ST7: variants seen among roughly 807,000 people sequenced by gnomAD.
ST7 encodes suppressor of tumorigenicity 7 protein.
In ST7, 28 loss-of-function variants were observed where a neutral mutation model predicts 78.7. That is an observed-to-expected ratio of 0.36 (90% CI 0.26 to 0.49). The LOEUF (loss-of-function observed/expected upper bound fraction) is 0.49. ST7 is among the 20% of genes least tolerant of loss of function. ST7 has a pLI of 0.99. For synonymous variants in ST7, 247 were observed against 249.6 expected (o/e 0.99, Z 0.10); for missense variants, 418 against 696.0 (o/e 0.60, Z 4.49).
chr7:117,184,219 C>T (rs913890013), intron 10 of ST7: 1 of 152,192 alleles, frequency 6.6e-6, no homozygotes, highest in Non-Finnish European at 1.5e-5. Flanking sequence ...ATTTACTTAG[C>T]GTTCCTTGTT....
intron 1 of ST7, chr7:116,958,546 T>C (rs1245103010): frequency 1.1e-5 from 5 of 466,282 alleles, no homozygotes; most frequent in Non-Finnish European, 2.2e-5. Flanking sequence ...GCCTGTTGTC[T>C]AAAATGTTCT....
At chr7:117,109,912 C>T (rs1802287751) in intron 2 of ST7, among the ~76,000 whole-genome samples, 1 of 152,130 alleles carries the variant, frequency 6.6e-6, no homozygotes, top group Non-Finnish European at 1.5e-5. Context: ...AAATGTGATA[C>T]ACCATATAAA....
intron 1 of ST7, among the ~76,000 whole-genome samples, chr7:117,035,338 A>G (rs938450982): frequency 3.7e-4 from 56 of 152,256 alleles, no homozygotes; most frequent in African/African-American, 1.3e-3. Flanking sequence ...GGGATGCAGA[A>G]TATGGCTCGC....
chr7:117,230,099 A>G lies in ST7; in HGVS notation c.*242A>G, dbSNP rs1466612753. The G allele has an allele frequency of 1.2e-5, 8 of 673,376 alleles. No homozygotes were observed. The highest frequency in any genetic ancestry group is 7.1e-5 in the African/African-American group (4 of 56,032). 41.7% of individuals were successfully genotyped at this position (673,376 alleles called of 1,614,324 possible). On this transcript the variant is annotated 3_prime_UTR_variant, in exon 16 of 16. Coordinates refer to ENST00000323984, the MANE Select transcript of ST7 (RefSeq NM_001369598.1). ...CAAAAATAAAACTTTTGTGTATTAC[A>G]GCAATCATTTGTATCCTCCTGTGTC...
chr7:117,063,953 C>A (rs1203450585), intron 1 of ST7, among the ~76,000 whole-genome samples: 1 of 152,068 alleles, frequency 6.6e-6, no homozygotes, highest in African/African-American at 2.4e-5. Flanking sequence ...TGATTTGAAG[C>A]ACAATAATTT....
chr7:117,163,258 C>T (rs140197955), intron 9 of ST7, among the ~76,000 whole-genome samples: 61 of 152,148 alleles, frequency 4.0e-4, no homozygotes, highest in South Asian at 1.2e-3. Flanking sequence ...GATGTCTCTT[C>T]GATATACTAA....
intron 3 of ST7, among the ~76,000 whole-genome samples, chr7:117,126,393 C>T (rs576993120): frequency 3.3e-5 from 5 of 151,744 alleles, no homozygotes; most frequent in African/African-American, 1.2e-4. Context: ...GAGTTCTCTT[C>T]TCTTGAGTAT....
At chr7:117,086,656 G>A (rs1273058690) in intron 1 of ST7, among the ~76,000 whole-genome samples, 1 of 152,106 alleles carries the variant, frequency 6.6e-6, no homozygotes. Context: ...GAATTTAGAT[G>A]CATCTTTTAA....
chr7:117,050,659 G>C (rs551298179), intron 1 of ST7, among the ~76,000 whole-genome samples: 1 of 152,034 alleles, frequency 6.6e-6, no homozygotes, highest in Admixed American at 6.5e-5. Context: ...GGCCTGGTGC[G>C]GTGGCTCACG....
chr7:117,165,653 G>A lies in ST7; in HGVS notation c.964-5209G>A, dbSNP rs140882244. Among the ~76,000 whole-genome samples, 1,402 of 152,258 alleles carry A rather than the reference G, an allele frequency of 9.2e-3. 11 individuals are homozygous for A. Among genetic ancestry groups the A allele is most frequent in the Non-Finnish European group, 0.015 (1,029 of 68,020 alleles). ...AATAAGGCAAAGTTCCTGCTCTCAC[G>A]TTCTTCTCAGACTCATGGAGAAGAT... On this transcript the variant is annotated intron_variant, in intron 9 of 15. Coordinates refer to ENST00000323984, the MANE Select transcript of ST7 (RefSeq NM_001369598.1).
At chr7:117,212,684 A>G (rs984219384) in intron 13 of ST7, among the ~76,000 whole-genome samples, 1 of 152,206 alleles carries the variant, frequency 6.6e-6, no homozygotes, top group African/African-American at 2.4e-5. Context: ...TCAATTGTGG[A>G]TTTTAAGTAA....
At chr7:117,159,774 TC>T (rs1197183359) in intron 9 of ST7, among the ~76,000 whole-genome samples, 2 of 152,154 alleles carry the variant, frequency 1.3e-5, no homozygotes, top group Admixed American at 6.5e-5. Context: ...ACACCTGTAG[TC>T]CCAGCTACTT....
chr7:117,139,430 G>A (rs2117076456), intron 9 of ST7, among the ~76,000 whole-genome samples: 1 of 152,328 alleles, frequency 6.6e-6, no homozygotes, highest in African/African-American at 2.4e-5. Context: ...ATGGATTTGA[G>A]CACACTAGGA....
At chr7:116,976,392 C>T (rs1421919989) in intron 1 of ST7, among the ~76,000 whole-genome samples, 2 of 152,168 alleles carry the variant, frequency 1.3e-5, no homozygotes, top group East Asian at 1.9e-4. Context: ...ATTAGCTGGG[C>T]AGGATTCTGG....
intron 1 of ST7, among the ~76,000 whole-genome samples, chr7:116,997,270 C>T (rs1563001222): frequency 2.0e-5 from 3 of 152,130 alleles, no homozygotes; most frequent in South Asian, 2.1e-4. Flanking sequence ...GAAGGGGACC[C>T]GAGTGGGTTG....
At chr7:117,218,919 C>A in intron 13 of ST7, 165 bp from the exon 14 acceptor site, 1 of 590,372 alleles carries the variant, frequency 1.7e-6, no homozygotes, top group Non-Finnish European at 3.0e-6. Context: ...TAATCCATCA[C>A]AATTTATCTC....
At chr7:117,119,305 GAGC>G (rs1160130446) in intron 2 of ST7, among the ~76,000 whole-genome samples, 2 of 152,084 alleles carry the variant, frequency 1.3e-5, no homozygotes, top group East Asian at 3.8e-4. Flanking sequence ...AAATTATATT[GAGC>G]AGTTCTTAAC....
intron 1 of ST7, among the ~76,000 whole-genome samples, chr7:117,005,703 A>G (rs2115862731): frequency 6.6e-6 from 1 of 152,296 alleles, no homozygotes; most frequent in East Asian, 1.9e-4. Context: ...AATTCTGCTC[A>G]TGAAAAGTAT....
chr7:117,091,259 A>G (rs1176190507), intron 1 of ST7, among the ~76,000 whole-genome samples: 6 of 152,214 alleles, frequency 3.9e-5, no homozygotes, highest in Admixed American at 3.3e-4. Flanking sequence ...GACCAGGGCC[A>G]AGGGCAAGGA....
Sources: allele counts gnomAD v4.1 joint callset (sites outside exome capture counted in the v4.1 genomes callset), GRCh38; gene constraint gnomAD v4.1.1; transcripts MANE v1.5; gene names NCBI Gene and HGNC (gene_info 2026-07-23, HGNC 2026-07-21).